ZMYM2: variants seen among roughly 807,000 people sequenced by gnomAD.
ZMYM2 encodes the protein zinc finger MYM-type protein 2.
Under a neutral mutation model 162.8 loss-of-function variants are expected in ZMYM2, and 56 were observed. The ratio of observed to expected loss-of-function variants is 0.34; its 90% CI spans 0.28 to 0.43. The LOEUF is 0.43. ZMYM2 is among the 20% of genes least tolerant of loss of function. ZMYM2 has a pLI of 1.00. For synonymous variants in ZMYM2, 510 were observed against 541.6 expected (o/e 0.94, Z 0.81); for missense variants, 1,275 against 1,621.8 (o/e 0.79, Z 3.67).
At position 20,031,395 on chromosome 13, in the gene ZMYM2, A is replaced by G. The variant is rs1212305981; in HGVS notation, c.1928A>G (p.Lys643Arg). The change falls in exon 10 of 25, where the codon AAA becomes AGA. Residue 643 changes from lysine to arginine, a missense_variant. Coordinates refer to ENST00000610343, the MANE Select transcript of ZMYM2 (RefSeq NM_197968.4). ...ATTCAGTTGAAATGCAACTACTGCA[A>G]AAATTCCTTTTGTTCAAAACCAGAA... ...SDIQLKCNYC[K>R]NSFCSKPEIL... is the part of the protein sequence containing the mutation. 4 of 1,608,584 alleles carry G rather than the reference A, an allele frequency of 2.5e-6. No homozygotes were observed. Among genetic ancestry groups the G allele is most frequent in the South Asian group, 1.1e-5 (1 of 90,006 alleles).
At chr13:19,977,531 C>T (rs1956898238) in intron 2 of ZMYM2, among the ~76,000 whole-genome samples, 1 of 141,174 alleles carries the variant, frequency 7.1e-6, no homozygotes, top group Non-Finnish European at 1.5e-5. Flanking sequence ...CTTTCTTTGT[C>T]ACCCGGGCTG....
intron 2 of ZMYM2, among the ~76,000 whole-genome samples, chr13:19,962,274 G>C (rs922919715): frequency 3.3e-5 from 5 of 151,958 alleles, no homozygotes; most frequent in Non-Finnish European, 5.9e-5. Flanking sequence ...TTGAGACAAA[G>C]TGAATCTTTA....
At chr13:19,890,871 C>A in the ZMYM2 span, among the ~76,000 whole-genome samples, 429 of 128,728 alleles carry the variant, frequency 3.3e-3, 2 homozygotes, top group African/African-American at 8.4e-3. Context: ...GACTCCATTT[C>A]AAAAAAAAAA....
At chr13:20,053,395 T>A (rs1955529335) in intron 14 of ZMYM2, among the ~76,000 whole-genome samples, 1 of 152,200 alleles carries the variant, frequency 6.6e-6, no homozygotes, top group African/African-American at 2.4e-5. Flanking sequence ...GCACGATGGC[T>A]CACGCCTGTA....
At chr13:20,083,136 C>A in intron 23 of ZMYM2, 104 bp downstream of exon 23, 17 of 1,210,046 alleles carry the variant, frequency 1.4e-5, no homozygotes, top group Non-Finnish European at 1.9e-5. Flanking sequence ...AGTCTCGGCT[C>A]ACCGCAACCT....
chr13:20,058,538 C>T (rs1955984324), intron 14 of ZMYM2, 37 bp from the exon 15 acceptor site: 2 of 1,595,612 alleles, frequency 1.3e-6, no homozygotes, highest in East Asian at 2.2e-5. Flanking sequence ...GAAAATTAGA[C>T]ATAAAAATAA....
chr13:19,924,893 T>G, the ZMYM2 span, among the ~76,000 whole-genome samples: 5 of 151,686 alleles, frequency 3.3e-5, no homozygotes, highest in African/African-American at 9.7e-5. Flanking sequence ...TTTTTTTTTT[T>G]TTGTTTTGAG....
intron 15 of ZMYM2, 105 bp from the exon 16 acceptor site, chr13:20,059,342 G>A (rs1593166383): frequency 5.0e-6 from 5 of 1,001,206 alleles, no homozygotes; most frequent in Admixed American, 3.9e-5. Flanking sequence ...AAAAAAAAAA[G>A]GTACTGAGGT....
At position 20,030,678 on chromosome 13, in the gene ZMYM2, A is replaced by G. The variant is rs376349389; in HGVS notation, c.1852-641A>G. 4.1e-3 allele frequency among the ~76,000 whole-genome samples: 627 copies of G among 152,166 alleles called. 2 individuals carry two copies. The highest frequency in any genetic ancestry group is 0.017 in the South Asian group (80 of 4,826). On this transcript the variant is annotated intron_variant, in intron 9 of 24. Coordinates refer to ENST00000610343, the MANE Select transcript of ZMYM2 (RefSeq NM_197968.4). The stretch of plus-strand genomic sequence containing the variant: ...CTCCCAAAGTGCCGGGATTACAGGC[A>G]TGAGCCACCACGCCTGGCCTAATTT...
At chr13:20,077,406 A>G (rs971053878) in intron 21 of ZMYM2, among the ~76,000 whole-genome samples, 2 of 150,560 alleles carry the variant, frequency 1.3e-5, no homozygotes, top group Non-Finnish European at 2.9e-5. Flanking sequence ...AGCAGTTTGA[A>G]TTAAAAGCCA....
At chr13:19,991,066 ACGTATGTATTTTCTGTGTGTGTGTGTG>A (rs1949568743) in intron 2 of ZMYM2, among the ~76,000 whole-genome samples, 1 of 136,510 alleles carries the variant, frequency 7.3e-6, no homozygotes, top group Non-Finnish European at 1.6e-5. Context: ...GTGTGTGTGT[ACGTATGTATTTTCTGTGTGTGTGTGTG>A]TGTGTGTGTG....
In ZMYM2 at chr13:20,034,405, G is replaced by A; in HGVS notation, c.2119+1G>A. ...GTTAAGAGACCTTTCTGTAGTGAAG[G>A]CAAGTTGCATATACAGTGTTGTTCA... On this transcript the variant is annotated splice_donor_variant, in intron 11 of 24. Transcript: ENST00000610343. LOFTEE classifies it high-confidence loss of function. 6.3e-7 allele frequency: 1 copy of A among 1,582,774 alleles called. No individual in the cohort carries two copies. The highest frequency in any genetic ancestry group is 8.6e-7 in the Non-Finnish European group (1 of 1,167,970).
intron 1 of ZMYM2, 185 bp from the exon 2 acceptor site, chr13:19,959,773 T>C (rs956547692): frequency 6.6e-6 from 1 of 152,414 alleles, no homozygotes; most frequent in African/African-American, 2.4e-5. Context: ...CAAATATGTA[T>C]TTTGCGCTGT....
intron 3 of ZMYM2, among the ~76,000 whole-genome samples, chr13:19,996,798 GTTGTT>G (rs1950050390): frequency 6.6e-6 from 1 of 152,162 alleles, no homozygotes. Flanking sequence ...AAGCTGGAAG[GTTGTT>G]TTAAGTCTGG....
At chr13:19,936,446 G>C in the ZMYM2 span, among the ~76,000 whole-genome samples, 1 of 152,194 alleles carries the variant, frequency 6.6e-6, no homozygotes, top group African/African-American at 2.4e-5. Flanking sequence ...AACAGGCCGG[G>C]CATGGTGGCT....
the ZMYM2 span, among the ~76,000 whole-genome samples, chr13:19,945,665 C>A: frequency 6.6e-6 from 1 of 152,090 alleles, no homozygotes; most frequent in Non-Finnish European, 1.5e-5. Context: ...TTTTGTGAAG[C>A]TTCTCATCTT....
rs1953115961 is a variant in ZMYM2, at chr13:20,031,338, C to T, written c.1871C>T (p.Ser624Phe). 2 of 1,607,582 alleles carry T rather than the reference C, an allele frequency of 1.2e-6. No homozygotes were observed. Among genetic ancestry groups the T allele is most frequent in the African/African-American group, 1.3e-5 (1 of 74,584 alleles). Reference sequence around the variant, plus strand: ...TTTTAGGCTCTAAGTATGCAGTCATCTCCAAATGGCCAGTTTGTAGCGCCA... The same window carrying T: ...TTTTAGGCTCTAAGTATGCAGTCATTTCCAAATGGCCAGTTTGTAGCGCCA... ...AKFQALSMQS[S>F]PNGQFVAPSD... is the part of the protein sequence containing the mutation. The change falls in exon 10 of 25, where the codon TCT becomes TTT. Residue 624 changes from serine to phenylalanine, a missense_variant. By Grantham distance (155) the Ser-to-Phe change is radical (BLOSUM62 -2). Around this residue, in one of 10 missense-constraint regions of ZMYM2, gnomAD observed 276 missense variants for 311.8 expected, o/e 0.89. Coordinates refer to ENST00000610343, the MANE Select transcript of ZMYM2 (RefSeq NM_197968.4).
intron 3 of ZMYM2, among the ~76,000 whole-genome samples, chr13:19,996,502 G>A (rs1320904930): frequency 1.3e-5 from 2 of 152,070 alleles, no homozygotes; most frequent in Non-Finnish European, 2.9e-5. Context: ...CAAGGTGGAC[G>A]GATCATCTGA....
rs1466048012 is a variant in ZMYM2, at chr13:19,993,737, A to G, written c.665A>G (p.Asn222Ser). ...ATTACACATGTAACATCACTGCAGAATACCAACTTGGGAGATGTCTCTAAC... is the reference window on the plus strand; with the variant it reads ...ATTACACATGTAACATCACTGCAGAGTACCAACTTGGGAGATGTCTCTAAC... ...LMITHVTSLQ[N>S]TNLGDVSNGL... The change falls in exon 3 of 25, where the codon AAT becomes AGT. Residue 222 changes from asparagine (N) to serine (S), a missense_variant. Asn to Ser is a conservative substitution (Grantham distance 46). Coordinates refer to ENST00000610343, the MANE Select transcript of ZMYM2 (RefSeq NM_197968.4). 1.2e-6 allele frequency: 2 copies of G among 1,614,084 alleles called. No individual in the cohort carries two copies. The highest frequency in any genetic ancestry group is 1.3e-5 in the African/African-American group (1 of 75,076).
Sources: allele counts gnomAD v4.1 joint callset (sites outside exome capture counted in the v4.1 genomes callset), GRCh38; gene constraint gnomAD v4.1.1; regional missense constraint gnomAD v4.1.1; transcripts MANE v1.5; gene names NCBI Gene and HGNC (gene_info 2026-07-23, HGNC 2026-07-21).